The following MTUS2 variants were observed in gnomAD, a reference collection of about 807,000 sequenced individuals.
The protein encoded by MTUS2 is microtubule associated scaffold protein 2.
Under a neutral mutation model 114.1 loss-of-function variants are expected in MTUS2, and 40 were observed. The ratio of observed to expected loss-of-function variants is 0.35; its 90% confidence interval spans 0.27 to 0.46. The LOEUF is 0.46. MTUS2 is among the 20% of genes least tolerant of loss of function. The pLI, the probability that MTUS2 is intolerant of heterozygous loss-of-function variation, is 1.00. For missense variants in MTUS2, 1,679 were observed against 1,705.4 expected, an observed-to-expected ratio of 0.98 and a Z score of 0.27; for synonymous variants, 688 against 672.0, an observed-to-expected ratio of 1.02 and a Z score of -0.37.
chr13:29,454,440 T>G (rs1440092345), intron 9 of MTUS2, among the ~76,000 whole-genome samples: 1 of 152,236 alleles, frequency 6.6e-6, no homozygotes, highest in Non-Finnish European at 1.5e-5. Flanking sequence ...TTCAGGGAAA[T>G]ACTTTTAACT....
chr13:29,398,679 G>A (rs146963470), intron 8 of MTUS2, among the ~76,000 whole-genome samples: 1 of 152,002 alleles, frequency 6.6e-6, no homozygotes, highest in Admixed American at 6.6e-5. Flanking sequence ...TAGAGGAATG[G>A]ATTCTCAAAC....
intron 8 of MTUS2, among the ~76,000 whole-genome samples, chr13:29,437,088 A>T (rs1877468302): frequency 1.3e-5 from 2 of 152,056 alleles, no homozygotes; most frequent in African/African-American, 2.4e-5. Context: ...ATTTGTTATG[A>T]TGTGAGAGAT....
intron 6 of MTUS2, among the ~76,000 whole-genome samples, chr13:29,285,114 A>G (rs1055490510): frequency 1.3e-5 from 2 of 151,942 alleles, no homozygotes; most frequent in African/African-American, 4.8e-5. Context: ...GGAAAAACTG[A>G]AAGAGTTTGA....
At position 29,026,112 on chromosome 13, in the gene MTUS2, T is replaced by G. The variant is rs1046669540; in HGVS notation, c.1414T>G (p.Phe472Val). 1 of 1,613,988 alleles carries G rather than the reference T, an allele frequency of 6.2e-7. No homozygotes were observed. Among genetic ancestry groups the G allele is most frequent in the Admixed American group, 1.7e-5 (1 of 60,022 alleles). Residue 472 changes from phenylalanine to valine, a missense_variant, in exon 3 of 16, where the codon TTC becomes GTC. Phe to Val is a conservative substitution (Grantham distance 50). Transcript: ENST00000612955. The part of the protein sequence containing the change: ...GNKDSVMVLV[F>V]NPSVGENKTE... Reference sequence around the variant, plus strand: ...TAAGGACAGTGTTATGGTTTTGGTGTTCAATCCTTCTGTTGGAGAGAACAA... The same window carrying G: ...TAAGGACAGTGTTATGGTTTTGGTGGTCAATCCTTCTGTTGGAGAGAACAA...
chr13:29,261,160 C>T (rs1232817900), intron 5 of MTUS2, among the ~76,000 whole-genome samples: 1 of 152,198 alleles, frequency 6.6e-6, no homozygotes, highest in Non-Finnish European at 1.5e-5. Context: ...GGAATAAATA[C>T]TATTTTGACT....
intron 5 of MTUS2, among the ~76,000 whole-genome samples, chr13:29,192,021 G>T (rs751310992): frequency 6.6e-6 from 1 of 152,188 alleles, no homozygotes; most frequent in Non-Finnish European, 1.5e-5. Context: ...ATAGAAGTCC[G>T]TAAGGAGGAT....
chr13:29,109,550 A>G (rs1890801735), intron 5 of MTUS2, among the ~76,000 whole-genome samples: 1 of 152,186 alleles, frequency 6.6e-6, no homozygotes. Context: ...CCACCTCTGC[A>G]GTTTGCTAGC....
rs1881120653 is a variant in MTUS2 at position 29,480,939 on chromosome 13, T to C, written c.3399+575T>C. 6.6e-6 allele frequency among the ~76,000 whole-genome samples: 1 copy of C among 152,184 alleles called. No individual in the cohort carries two copies. The highest frequency in any genetic ancestry group is 2.4e-5 in the African/African-American group (1 of 41,418). The stretch of plus-strand genomic sequence containing the variant: ...TCCCCTAACGAGGAAGGTACCATTC[T>C]TATTCCCATTTTACACGGAAGAAAG... On this transcript the variant is annotated intron_variant, in intron 10 of 15. Transcript: ENST00000612955. This position sits in a 1 kb window ranked among gnomAD's most constrained non-coding sequence, Gnocchi z 4.4.
At chr13:29,143,820 G>C (rs1892323375) in intron 5 of MTUS2, among the ~76,000 whole-genome samples, 1 of 152,178 alleles carries the variant, frequency 6.6e-6, no homozygotes, top group African/African-American at 2.4e-5. Context: ...TAGGACAGCA[G>C]TTCCATTTTA....
chr13:29,184,365 A>G (rs1187081366), intron 5 of MTUS2, among the ~76,000 whole-genome samples: 1 of 152,134 alleles, frequency 6.6e-6, no homozygotes, highest in East Asian at 1.9e-4. Context: ...CAATTAGTAT[A>G]GCTTGTTCTT....
At chr13:28,939,834 G>A (rs1439183504) in intron 2 of MTUS2, among the ~76,000 whole-genome samples, 1 of 152,178 alleles carries the variant, frequency 6.6e-6, no homozygotes, top group Non-Finnish European at 1.5e-5. Context: ...AAGGAAAGAA[G>A]TTTAATGGAT....
intron 2 of MTUS2, among the ~76,000 whole-genome samples, chr13:28,984,166 T>C (rs1257217931): frequency 6.6e-6 from 1 of 152,216 alleles, no homozygotes; most frequent in African/African-American, 2.4e-5. Flanking sequence ...ATGTGAACTT[T>C]GCTGAATTCT....
intron 5 of MTUS2, among the ~76,000 whole-genome samples, chr13:29,210,457 A>G (rs1404757424): frequency 6.6e-6 from 1 of 151,916 alleles, no homozygotes; most frequent in Non-Finnish European, 1.5e-5. Flanking sequence ...GTTTGGCTCC[A>G]TTGTTGGTGA....
At chr13:29,137,074 G>A (rs1240298614) in intron 5 of MTUS2, among the ~76,000 whole-genome samples, 1 of 152,216 alleles carries the variant, frequency 6.6e-6, no homozygotes, top group Non-Finnish European at 1.5e-5. Context: ...TGTAGACTGT[G>A]AGTGGTTAAG....
intron 2 of MTUS2, among the ~76,000 whole-genome samples, chr13:28,875,026 G>A (rs1877848656): frequency 2.6e-5 from 4 of 152,146 alleles, no homozygotes; most frequent in Admixed American, 2.6e-4. Flanking sequence ...TAGAAAAATG[G>A]TTTGTGAAGG....
chr13:29,452,897 T>C (rs1265720789), intron 9 of MTUS2, among the ~76,000 whole-genome samples: 1 of 152,192 alleles, frequency 6.6e-6, no homozygotes, highest in East Asian at 1.9e-4. Flanking sequence ...TGGGACTCCA[T>C]AAATCTAATA....
At chr13:29,390,235 G>A (rs1268942090) in intron 8 of MTUS2, among the ~76,000 whole-genome samples, 2 of 151,420 alleles carry the variant, frequency 1.3e-5, no homozygotes, top group Non-Finnish European at 2.9e-5. Context: ...TAAGAGTAAA[G>A]ATTCACAAGG....
Position 29,480,763 on chromosome 13 carries a change from A to G in MTUS2, c.3399+399A>G, listed in dbSNP as rs1881106114. Among the ~76,000 whole-genome samples the G allele has an allele frequency of 6.6e-6, 1 of 152,082 alleles. No individual in the cohort carries two copies. Among genetic ancestry groups the G allele is most frequent in the South Asian group, 2.1e-4 (1 of 4,820 alleles). On this transcript the variant is annotated intron_variant, in intron 10 of 15. Transcript: ENST00000612955. The surrounding 1 kb of genome is among the most constrained non-coding windows in gnomAD (Gnocchi z 4.4). Reference sequence around the variant, plus strand: ...AGTGTTCCTTCAGCACTTATCACTAACACATACATTTTTGCTTTTCTACCT... The same window carrying G: ...AGTGTTCCTTCAGCACTTATCACTAGCACATACATTTTTGCTTTTCTACCT...
chr13:29,095,008 G>T (rs1315364337), intron 4 of MTUS2, among the ~76,000 whole-genome samples: 1 of 151,892 alleles, frequency 6.6e-6, no homozygotes, highest in Non-Finnish European at 1.5e-5. Flanking sequence ...ATTTCATTCT[G>T]TTATGACCAC....
Sources: allele counts gnomAD v4.1 joint callset (sites outside exome capture counted in the v4.1 genomes callset), GRCh38; gene constraint gnomAD v4.1.1; non-coding constraint Gnocchi (gnomAD v3.1); transcripts MANE v1.5; gene names NCBI Gene and HGNC (gene_info 2026-07-23, HGNC 2026-07-21).